Variants in ABCC4 observed in about 807,000 individuals in gnomAD.
ABCC4 encodes ATP binding cassette subfamily C member 4 (PEL blood group).
In ABCC4, 102 loss-of-function variants were observed where a neutral mutation model predicts 168.5. The ratio of observed to expected loss-of-function variants is 0.61; its 90% CI spans 0.52 to 0.71. The LOEUF is 0.71. Ranked by LOEUF, ABCC4 falls within the 30% of genes least tolerant of loss-of-function variation. The probability of loss-of-function intolerance (pLI) is 0.00; values close to 1 mark genes in which losing one functional copy is unlikely to be tolerated. For synonymous variants in ABCC4, 617 were observed against 590.7 expected (o/e 1.04, Z -0.65); for missense variants, 1,402 against 1,605.8 (o/e 0.87, Z 2.17).
chr13:95,240,858 C>A (rs555528527), intron 3 of ABCC4, among the ~76,000 whole-genome samples: 2 of 151,804 alleles, frequency 1.3e-5, no homozygotes, highest in African/African-American at 4.8e-5. Context: ...GCAATCCCAG[C>A]TATTCGGGAG....
rs186428773 is a variant in ABCC4 at position 95,049,966 on chromosome 13, G to A, written c.3456+3129C>T. ...TATAAACCAAGTGACTATGTTTTTTGTCTGCTTTAAAGGGGGTTTCCAAAT... is the reference window on the plus strand; with the variant it reads ...TATAAACCAAGTGACTATGTTTTTTATCTGCTTTAAAGGGGGTTTCCAAAT... On this transcript the variant is annotated intron_variant, in intron 27 of 30. Coordinates refer to ENST00000645237, the MANE Select transcript of ABCC4 (RefSeq NM_005845.5). 2.6e-5 allele frequency among the ~76,000 whole-genome samples: 4 copies of A among 152,172 alleles called. No homozygotes were observed. The East Asian group carries it at 7.7e-4, about 29-fold the overall frequency.
intron 19 of ABCC4, among the ~76,000 whole-genome samples, chr13:95,160,851 A>G (rs1439108703): frequency 6.6e-6 from 1 of 152,240 alleles, no homozygotes; most frequent in African/African-American, 2.4e-5. Context: ...TTTAGCAACT[A>G]TTCAACTACA....
At chr13:95,201,589 A>G (rs1460398542) in intron 8 of ABCC4, among the ~76,000 whole-genome samples, 2 of 152,216 alleles carry the variant, frequency 1.3e-5, no homozygotes, top group Admixed American at 6.5e-5. Flanking sequence ...AGGAAGGGAA[A>G]GAAATCTATA....
intron 21 of ABCC4, among the ~76,000 whole-genome samples, chr13:95,082,556 C>T (rs1436777292): frequency 6.6e-6 from 1 of 152,098 alleles, no homozygotes; most frequent in East Asian, 1.9e-4. Flanking sequence ...CCGCTGGTAA[C>T]AAATGGAAAA....
chr13:95,153,967 C>T (rs558232445), intron 19 of ABCC4, among the ~76,000 whole-genome samples: 22 of 152,114 alleles, frequency 1.4e-4, no homozygotes, highest in East Asian at 1.2e-3. Flanking sequence ...AGTTTAAGTA[C>T]ATATAACCAT....
chr13:95,211,202 G>A (rs2038946808), intron 4 of ABCC4, among the ~76,000 whole-genome samples: 1 of 152,170 alleles, frequency 6.6e-6, no homozygotes, highest in South Asian at 2.1e-4. Context: ...TGGGGCCTTA[G>A]TCTCTTCACC....
chr13:95,254,011 A>G (rs748171268), intron 1 of ABCC4, among the ~76,000 whole-genome samples: 83 of 151,820 alleles, frequency 5.5e-4, no homozygotes, highest in Non-Finnish European at 9.1e-4. Context: ...TCTCACCTCA[A>G]CCTCCCAAGT....
chr13:95,212,779 T>G (rs184425295), intron 4 of ABCC4, among the ~76,000 whole-genome samples: 200 of 152,138 alleles, frequency 1.3e-3, no homozygotes, highest in Middle Eastern at 0.01. Flanking sequence ...TGAAATTAAA[T>G]CAGTCATACT....
chr13:95,069,742 T>A (rs895411300), intron 25 of ABCC4, among the ~76,000 whole-genome samples: 11 of 152,222 alleles, frequency 7.2e-5, no homozygotes, highest in African/African-American at 2.7e-4. Flanking sequence ...CTCAGCATAA[T>A]GTCCTCAGGG....
Position 95,210,698 on chromosome 13 carries a change from A to C in ABCC4, c.615T>G (p.Phe205Leu), listed in dbSNP as rs1453232197. 2 of 1,614,056 alleles carry C rather than the reference A, an allele frequency of 1.2e-6. No homozygotes were observed. Among genetic ancestry groups the C allele is most frequent in the South Asian group, 2.2e-5 (2 of 91,072 alleles). ...TCCCTGAGCTGCAGCTTACCTGATCAAACTTGTTCACATCATTGGACAGCA... is the reference window on the plus strand; with the variant it reads ...TCCCTGAGCTGCAGCTTACCTGATCCAACTTGTTCACATCATTGGACAGCA... ...VNLLSNDVNK[F>L]DQVTVFLHFL... Residue 205 changes from phenylalanine (F) to leucine (L), a missense_variant, in exon 5 of 31, where the codon TTT (phenylalanine) becomes TTG (leucine). By Grantham distance (22) the Phe-to-Leu change is conservative (BLOSUM62 0). Around this residue, in one of 3 missense-constraint regions of ABCC4, gnomAD observed 317 missense variants for 345.5 expected, o/e 0.92. Transcript: ENST00000645237.
At chr13:95,290,427 G>A (rs2041368292) in intron 1 of ABCC4, among the ~76,000 whole-genome samples, 2 of 152,116 alleles carry the variant, frequency 1.3e-5, no homozygotes, top group South Asian at 4.1e-4. Flanking sequence ...AATCATGGCC[G>A]GGTGTGGTGT....
At chr13:95,075,264 T>C (rs2033857816) in intron 22 of ABCC4, 168 bp downstream of exon 22, 3 of 821,890 alleles carry the variant, frequency 3.7e-6, no homozygotes, top group Admixed American at 2.5e-5. Flanking sequence ...CCGAGAGGAG[T>C]CCAAGCCCAG....
chr13:95,158,706 C>T (rs981777635), intron 19 of ABCC4, among the ~76,000 whole-genome samples: 1 of 152,132 alleles, frequency 6.6e-6, no homozygotes, highest in African/African-American at 2.4e-5. Context: ...ACATATTTAA[C>T]ATGTATGTTT....
At position 95,284,619 on chromosome 13, in the gene ABCC4, C is replaced by G. The variant is rs1311966098; in HGVS notation, c.74+16622G>C. Among the ~76,000 whole-genome samples, 3 of 152,192 alleles carry G rather than the reference C, an allele frequency of 2.0e-5. No homozygotes were observed. In the East Asian group the frequency reaches 5.8e-4, roughly 29 times the overall value. On this transcript the variant is annotated intron_variant, in intron 1 of 30. Coordinates refer to ENST00000645237, the MANE Select transcript of ABCC4 (RefSeq NM_005845.5). ...CGGCCTTTTCGGCAGACACCCCTGT[C>G]CCCTGTGCTTGGCAAACAGCAGAGA...
intron 21 of ABCC4, 34 bp downstream of exon 21, chr13:95,083,106 G>C (rs1483741530): frequency 1.2e-5 from 19 of 1,593,282 alleles, no homozygotes; most frequent in Non-Finnish European, 1.5e-5. Context: ...AAACTAGCTA[G>C]CATGTCTATA....
intron 19 of ABCC4, among the ~76,000 whole-genome samples, chr13:95,154,759 G>C (rs1178433085): frequency 2.0e-5 from 3 of 152,188 alleles, no homozygotes; most frequent in African/African-American, 7.2e-5. Context: ...GTGCTGGGCA[G>C]AGCCATCTTA....
chr13:95,061,818 C>T (rs1002272632), intron 26 of ABCC4, among the ~76,000 whole-genome samples: 2 of 152,090 alleles, frequency 1.3e-5, no homozygotes, highest in African/African-American at 4.8e-5. Flanking sequence ...AGACCCCATG[C>T]CGGTGGGGAC....
At chr13:95,064,911 G>C (rs2033472035) in intron 25 of ABCC4, among the ~76,000 whole-genome samples, 1 of 152,158 alleles carries the variant, frequency 6.6e-6, no homozygotes, top group Non-Finnish European at 1.5e-5. Context: ...ATATCAGTAA[G>C]TTTACATTCA....
Position 95,075,538 on chromosome 13 carries a change from C to T in ABCC4, c.2700G>A (p.Val900=). The T allele has an allele frequency of 1.2e-6, 2 of 1,614,078 alleles. No homozygotes were observed. Among genetic ancestry groups the T allele is most frequent in the Non-Finnish European group, 1.7e-6 (2 of 1,179,986 alleles). Residue 900 remains valine, a synonymous_variant, in exon 22 of 31, where the codon GTG becomes GTA. Transcript: ENST00000645237. ...GGAGAGAAGATGATAAGTGGGAAAA[C>T]ACTGGACTCCGAGCTGGGGAAACAG... ...KRLESTTRSP[V]FSHLSSSLQG...
Sources: gnomAD v4.1 joint callset for allele counts (sites outside exome capture counted in the v4.1 genomes callset) on GRCh38, gnomAD v4.1.1 for gene constraint, gnomAD v4.1.1 regional missense constraint, MANE v1.5 for transcripts, NCBI Gene and HGNC (gene_info 2026-07-23, HGNC 2026-07-21) for gene names.